The following RO60 variants were observed in gnomAD, a reference collection of about 807,000 sequenced individuals.
The protein encoded by RO60 is Ro60, Y RNA binding protein, also known as RNA-binding protein RO60.
In RO60, 20 loss-of-function variants were observed where a neutral mutation model predicts 55.3. The observed-to-expected ratio is 0.36, with a 90% CI of 0.25 to 0.53. RO60 has a LOEUF of 0.53. Ranked by LOEUF, RO60 falls within the 20% of genes least tolerant of loss-of-function variation. RO60 has a pLI of 0.92. For synonymous variants in RO60, 213 were observed against 213.6 expected (o/e 1.00, Z 0.02); for missense variants, 558 against 646.6 (o/e 0.86, Z 1.49).
chr1:193,081,743 A>T (rs928955517), intron 6 of RO60, among the ~76,000 whole-genome samples: 1 of 152,140 alleles, frequency 6.6e-6, no homozygotes, highest in Non-Finnish European at 1.5e-5. Context: ...TAGGAAGTAG[A>T]TAATGCTTAG....
rs1674568089 is a variant in RO60 at position 193,085,162 on chromosome 1, CAT to C, written c.*435_*436del. ...CCAAATACTCTGAAATGCACTAGAC[CAT>C]ATAACTGTGATGAAATATGAAACTC... is the stretch of plus-strand genomic sequence containing the variant. On this transcript the variant is annotated 3_prime_UTR_variant, in exon 9 of 9. Coordinates refer to ENST00000400968, the MANE Select transcript of RO60 (RefSeq NM_001173524.2). 20 of 1,248,894 alleles carry C rather than the reference CAT, an allele frequency of 1.6e-5. No homozygotes were observed. The highest frequency in any genetic ancestry group is 1.9e-5 in the Non-Finnish European group (19 of 992,950). The allele number at this position is 1,248,894 out of a possible 1,614,324, so 77.4% of individuals were successfully genotyped here.
At position 193,082,400 on chromosome 1, in the gene RO60, A is replaced by T. The variant is rs1287126173; in HGVS notation, c.1317+101A>T. The stretch of plus-strand genomic sequence containing the variant: ...TATGGTATTAATCTGTGAGAACAAA[A>T]TTTTTTTTGTCTTAATTTTTGCATG... On this transcript the variant is annotated intron_variant, in intron 7 of 8. Transcript: ENST00000400968. 3.7e-6 allele frequency: 5 copies of T among 1,337,488 alleles called. No homozygotes were observed. The African/African-American group carries it at 5.9e-5, about 16-fold the overall frequency. 82.9% of individuals were successfully genotyped at this position (1,337,488 alleles called of 1,614,324 possible). A position where few individuals can be genotyped will look rare whatever the true frequency, so the allele number is the denominator to read the frequency against.
At position 193,059,853 on chromosome 1, in the gene RO60, T is replaced by C. The variant is rs748286548; in HGVS notation, c.-22+77T>C. On this transcript the variant is annotated intron_variant, in intron 1 of 8. Transcript: ENST00000400968. The surrounding 1 kb of genome is among the most constrained non-coding windows in gnomAD (Gnocchi z 4.9). ...CGCGCAAATTCTGACCAGTCCTCCA[T>C]GTCTCTCACCCGCATCCCAGGGGTT... 1.1e-5 allele frequency: 15 copies of C among 1,363,180 alleles called. No homozygotes were observed. In the South Asian group the frequency reaches 1.5e-4, roughly 14 times the overall value. 84.4% of individuals were successfully genotyped at this position (1,363,180 alleles called of 1,614,324 possible).
chr1:193,084,461 A>G, intron 8 of RO60, 118 bp from the exon 9 acceptor site: 1 of 1,256,556 alleles, frequency 8.0e-7, no homozygotes, highest in Non-Finnish European at 1.1e-6. Context: ...CCCCGCAAAA[A>G]AATGACTTTG....
chr1:193,089,639 T>C lies in RO60; in HGVS notation c.*4908T>C, dbSNP rs1385840912. Reference sequence around the variant, plus strand: ...TGGAGAACATCTTAGAAAATTCTATTGTGGAAATTACGATGATTATTTTCA... The same window carrying C: ...TGGAGAACATCTTAGAAAATTCTATCGTGGAAATTACGATGATTATTTTCA... On this transcript the variant is annotated 3_prime_UTR_variant, in exon 9 of 9. Coordinates refer to ENST00000400968, the MANE Select transcript of RO60 (RefSeq NM_001173524.2). 2.0e-5 allele frequency: 3 copies of C among 152,066 alleles called. No homozygotes were observed. The highest frequency in any genetic ancestry group is 6.6e-5 in the Admixed American group (1 of 15,252). The allele number at this position is 152,066 out of a possible 1,614,324, so 9.4% of individuals were successfully genotyped here.
Position 193,082,983 on chromosome 1 carries a change from C to G in RO60, c.1464+275C>G, listed in dbSNP as rs756030573. The stretch of plus-strand genomic sequence containing the variant: ...TGTTGCCCAGGCTGGTCTCAAACTC[C>G]TAGGCTCAAGCGATTCTCCAGCCTT... On this transcript the variant is annotated intron_variant, in intron 8 of 8. Transcript: ENST00000400968. Among the ~76,000 whole-genome samples, 7 of 151,992 alleles carry G rather than the reference C, an allele frequency of 4.6e-5. No individual in the cohort carries two copies. In the South Asian group the frequency reaches 1.5e-3, roughly 32 times the overall value.
rs971959996 is a variant in RO60 at position 193,060,512 on chromosome 1, G to GA, written c.-22+746dup. 2.3e-3 allele frequency among the ~76,000 whole-genome samples: 345 copies of GA among 148,934 alleles called. 1 individual carries two copies. Among genetic ancestry groups the GA allele is most frequent in the African/African-American group, 7.5e-3 (307 of 40,760 alleles). ...TTCCAAGAAAGACCTTTGGCTTCCAGAAAAAAAAAATGTTTTAGTGGGTAA... is the reference window on the plus strand; with the variant it reads ...TTCCAAGAAAGACCTTTGGCTTCCAGAAAAAAAAAAATGTTTTAGTGGGTAA... On this transcript the variant is annotated intron_variant, in intron 1 of 8. Coordinates refer to ENST00000400968, the MANE Select transcript of RO60 (RefSeq NM_001173524.2).
At chr1:193,066,340 TTATAAG>T (rs916081970) in intron 1 of RO60, among the ~76,000 whole-genome samples, 6 of 152,228 alleles carry the variant, frequency 3.9e-5, no homozygotes, top group African/African-American at 9.7e-5. Flanking sequence ...CCTTCATAGT[TTATAAG>T]TATGTGTCTA....
Position 193,091,171 on chromosome 1 carries a change from A to C in RO60, c.*6440A>C, listed in dbSNP as rs2103093617. On this transcript the variant is annotated 3_prime_UTR_variant, in exon 9 of 9. Coordinates refer to ENST00000400968, the MANE Select transcript of RO60 (RefSeq NM_001173524.2). The stretch of plus-strand genomic sequence containing the variant: ...CAAAAATAATTAATTTTTTAAGGGA[A>C]TTTTTCAAGACAAAAGGCAAATATT... 6.6e-6 allele frequency: 1 copy of C among 152,600 alleles called. No individual in the cohort carries two copies. The highest frequency in any genetic ancestry group is 1.9e-4 in the East Asian group (1 of 5,198). The allele number at this position is 152,600 out of a possible 1,614,324, so 9.5% of individuals were successfully genotyped here. A position where few individuals can be genotyped will look rare whatever the true frequency, so the allele number is the denominator to read the frequency against.
chr1:193,070,629 G>A (rs1182755511), intron 2 of RO60: 3 of 443,410 alleles, frequency 6.8e-6, no homozygotes, highest in Non-Finnish European at 4.6e-6. Context: ...AGTAAGTTAA[G>A]CTGAGTTTCT....
At chr1:193,082,524 T>A in intron 7 of RO60, 38 bp from the exon 8 acceptor site, 1 of 1,605,014 alleles carries the variant, frequency 6.2e-7, no homozygotes, top group Non-Finnish European at 8.5e-7. Flanking sequence ...TTTTAAGGAT[T>A]TATTTACTTA....
intron 3 of RO60, 74 bp from the exon 4 acceptor site, chr1:193,076,427 T>G: frequency 6.8e-7 from 1 of 1,475,984 alleles, no homozygotes; most frequent in Non-Finnish European, 9.1e-7. Context: ...TTATGAATAT[T>G]TTTTTATATA....
Position 193,075,959 on chromosome 1 carries a change from T to C in RO60, c.720T>C (p.Asp240=). 2 of 1,613,368 alleles carry C rather than the reference T, an allele frequency of 1.2e-6. No homozygotes were observed. The highest frequency in any genetic ancestry group is 1.1e-5 in the South Asian group (1 of 91,050). ...EAVEKVKRTR[D]ELEVIHLIEE... ...TAGAGAAAGTGAAGCGCACAAGAGA[T>C]GAGCTAGAAGTCATTCATCTAATAG... Residue 240 remains aspartate (D), a synonymous_variant, in exon 3 of 9, where the codon GAT becomes GAC. Coordinates refer to ENST00000400968, the MANE Select transcript of RO60 (RefSeq NM_001173524.2).
chr1:193,091,541 T>C (rs534403873), downstream of RO60: 482 of 870,178 alleles, frequency 5.5e-4, 4 homozygotes, highest in South Asian at 6.9e-3. Context: ...ACTAACAATG[T>C]AATTTTGCTG....
chr1:193,059,844 A>G lies in RO60; in HGVS notation c.-22+68A>G, dbSNP rs1464844808. The G allele has an allele frequency of 2.9e-6, 4 of 1,362,028 alleles. No individual in the cohort carries two copies. Among genetic ancestry groups the G allele is most frequent in the African/African-American group, 1.5e-5 (1 of 67,746 alleles). 84.4% of individuals were successfully genotyped at this position (1,362,028 alleles called of 1,614,324 possible). ...CCCCAGGGACGCGCAAATTCTGACC[A>G]GTCCTCCATGTCTCTCACCCGCATC... On this transcript the variant is annotated intron_variant, in intron 1 of 8. Coordinates refer to ENST00000400968, the MANE Select transcript of RO60 (RefSeq NM_001173524.2). This position sits in a 1 kb window ranked among gnomAD's most constrained non-coding sequence, Gnocchi z 4.9.
chr1:193,088,001 A>C lies in RO60; in HGVS notation c.*3270A>C, dbSNP rs905114151. 1 of 151,834 alleles carries C rather than the reference A, an allele frequency of 6.6e-6. No homozygotes were observed. The highest frequency in any genetic ancestry group is 6.6e-5 in the Admixed American group (1 of 15,232). 9.4% of individuals were successfully genotyped at this position (151,834 alleles called of 1,614,324 possible). A position where few individuals can be genotyped will look rare whatever the true frequency, so the allele number is the denominator to read the frequency against. On this transcript the variant is annotated 3_prime_UTR_variant, in exon 9 of 9. Coordinates refer to ENST00000400968, the MANE Select transcript of RO60 (RefSeq NM_001173524.2). ...CCTAGAAAAACAAGCTTATACTCTG[A>C]GGAAATGCTGTTAACAAACTTTTTT...
intron 8 of RO60, 54 bp downstream of exon 8, chr1:193,082,762 G>GT: frequency 5.7e-6 from 7 of 1,226,520 alleles, no homozygotes; most frequent in Non-Finnish European, 6.6e-6. Flanking sequence ...TTTAATACTT[G>GT]ATTTTTTTTT....
chr1:193,077,083 A>C, intron 5 of RO60, 33 bp downstream of exon 5: 1 of 1,569,590 alleles, frequency 6.4e-7, no homozygotes, highest in Middle Eastern at 1.7e-4. Flanking sequence ...AAAACAAATG[A>C]CTGAAGACTT....
rs1432451785 is a variant in RO60 at position 193,059,632 on chromosome 1, C to T, written c.-166C>T. 2.9e-6 allele frequency: 4 copies of T among 1,401,308 alleles called. No homozygotes were observed. Among genetic ancestry groups the T allele is most frequent in the Non-Finnish European group, 3.8e-6 (4 of 1,046,260 alleles). 86.8% of individuals were successfully genotyped at this position (1,401,308 alleles called of 1,614,324 possible). A position where few individuals can be genotyped will look rare whatever the true frequency, so the allele number is the denominator to read the frequency against. ...GCAGGACTCGTTCCCGGGAACCGAA[C>T]CTGGAATCCCCGGCGGCAGTGGGGC... is the stretch of plus-strand genomic sequence containing the variant. On this transcript the variant is annotated 5_prime_UTR_variant, in exon 1 of 9. Transcript: ENST00000400968. This position sits in a 1 kb window ranked among gnomAD's most constrained non-coding sequence, Gnocchi z 4.9.
Sources: gnomAD v4.1 joint callset for allele counts (sites outside exome capture counted in the v4.1 genomes callset) on GRCh38, gnomAD v4.1.1 for gene constraint, Gnocchi (gnomAD v3.1) non-coding constraint, MANE v1.5 for transcripts, NCBI Gene and HGNC (gene_info 2026-07-23, HGNC 2026-07-21) for gene names.